AGBL4: variants seen among roughly 807,000 people sequenced by gnomAD.
AGBL4 encodes cytosolic carboxypeptidase 6.
Under a neutral mutation model 66.4 loss-of-function variants are expected in AGBL4, and 58 were observed. The observed-to-expected ratio is 0.87, with a 90% confidence interval of 0.71 to 1.09. The LOEUF is 1.09. Among genes scored for constraint, AGBL4 ranks in the 50% least tolerant of loss-of-function variants. AGBL4 has a pLI of 0.00. For synonymous variants in AGBL4, 234 were observed against 222.9 expected (o/e 1.05, Z -0.44); for missense variants, 579 against 631.0 (o/e 0.92, Z 0.88).
intron 3 of AGBL4, among the ~76,000 whole-genome samples, chr1:49,636,776 T>C (rs2124385007): frequency 6.6e-6 from 1 of 152,340 alleles, no homozygotes; most frequent in South Asian, 2.1e-4. Context: ...AGTGATGTTT[T>C]ATTTGATTTA....
chr1:48,875,911 G>A (rs914156488), intron 5 of AGBL4, among the ~76,000 whole-genome samples: 2 of 152,178 alleles, frequency 1.3e-5, no homozygotes, highest in South Asian at 2.1e-4. Context: ...TGAAGCCTAC[G>A]CTCCATTAGT....
At chr1:48,814,873 T>C (rs1164580572) in intron 6 of AGBL4, among the ~76,000 whole-genome samples, 1 of 152,176 alleles carries the variant, frequency 6.6e-6, no homozygotes, top group African/African-American at 2.4e-5. Context: ...GTGGTGCAGA[T>C]GTCTTTTTGA....
At position 48,653,423 on chromosome 1, in the gene AGBL4, G is replaced by A. The variant is rs1419109343; in HGVS notation, c.753C>T (p.His251=). The change falls in exon 8 of 14, where the codon CAC becomes CAT. Residue 251 remains histidine (H), a synonymous_variant. Coordinates refer to ENST00000371839, the MANE Select transcript of AGBL4 (RefSeq NM_032785.4). ...ATTCCCGGAGGACACAGGCAATAGG[G>A]TGCTGGCTTACAAGGAAGTCAATGA... ...QGIIDFLVSQ[H]PIACVLREYL... 6.3e-7 allele frequency: 1 copy of A among 1,584,604 alleles called. No individual in the cohort carries two copies. Among genetic ancestry groups the A allele is most frequent in the South Asian group, 1.2e-5 (1 of 86,052 alleles).
intron 5 of AGBL4, among the ~76,000 whole-genome samples, chr1:48,936,418 C>T (rs148643923): frequency 0.022 from 3,388 of 152,196 alleles, 65 homozygotes; most frequent in Non-Finnish European, 0.035. Flanking sequence ...CAAACCTTCA[C>T]GGAGATAATG....
At chr1:49,000,531 T>C (rs1661322821) in intron 5 of AGBL4, among the ~76,000 whole-genome samples, 1 of 152,196 alleles carries the variant, frequency 6.6e-6, no homozygotes, top group African/African-American at 2.4e-5. Context: ...AGTTTTCTAA[T>C]ATGTAAAATT....
intron 1 of AGBL4, among the ~76,000 whole-genome samples, chr1:49,889,230 T>A (rs938723273): frequency 6.6e-6 from 1 of 152,130 alleles, no homozygotes; most frequent in Non-Finnish European, 1.5e-5. Context: ...TCGTAGCTAC[T>A]CCAGAAGCTG....
At chr1:49,122,000 A>G (rs1645664440) in intron 4 of AGBL4, among the ~76,000 whole-genome samples, 2 of 152,244 alleles carry the variant, frequency 1.3e-5, no homozygotes, top group Admixed American at 6.5e-5. Context: ...CTCCGTAGGC[A>G]TGGTACCAAC....
rs371606305 is a variant in AGBL4, at chr1:49,145,802, C to T, written c.377+99968G>A. 3.3e-5 allele frequency among the ~76,000 whole-genome samples: 5 copies of T among 152,206 alleles called. No individual in the cohort carries two copies. The South Asian group carries it at 8.3e-4, about 25-fold the overall frequency. On this transcript the variant is annotated intron_variant, in intron 4 of 13. Coordinates refer to ENST00000371839, the MANE Select transcript of AGBL4 (RefSeq NM_032785.4). ...TAAGTGTATCAAAGAGATACCTGCA[C>T]TCTCATGTTTGCTGCAGCACTGTTC...
chr1:49,967,244 C>T (rs1000677139), intron 1 of AGBL4, among the ~76,000 whole-genome samples: 29 of 152,184 alleles, frequency 1.9e-4, no homozygotes, highest in Non-Finnish European at 2.5e-4. Flanking sequence ...ATTTGCATTT[C>T]TCTAATGACC....
At chr1:49,547,827 G>A (rs1247166226) in intron 3 of AGBL4, among the ~76,000 whole-genome samples, 1 of 150,882 alleles carries the variant, frequency 6.6e-6, no homozygotes, top group Non-Finnish European at 1.5e-5. Flanking sequence ...AGGCTGGAGT[G>A]CAGTGCCATG....
chr1:49,229,955 C>A (rs1000651941), intron 4 of AGBL4, among the ~76,000 whole-genome samples: 1 of 152,180 alleles, frequency 6.6e-6, no homozygotes, highest in Non-Finnish European at 1.5e-5. Flanking sequence ...CTCAATTACA[C>A]CAAAAGCTAG....
rs11285905 is a variant in AGBL4 at position 48,555,189 on chromosome 1, CTTT to C, written c.1268-15454_1268-15452del. 3.0e-3 allele frequency among the ~76,000 whole-genome samples: 440 copies of C among 148,928 alleles called. 4 individuals carry two copies. Among genetic ancestry groups the C allele is most frequent in the African/African-American group, 0.01 (417 of 40,698 alleles). ...AGCTGAATTGAGGGGGTAAGATTGT[CTTT>C]TTTTTTTTTCCTGAGATAACTCTTT... On this transcript the variant is annotated intron_variant, in intron 11 of 13. Transcript: ENST00000371839.
chr1:48,999,678 C>T (rs1030396044), intron 5 of AGBL4, among the ~76,000 whole-genome samples: 3 of 152,070 alleles, frequency 2.0e-5, no homozygotes, highest in African/African-American at 7.2e-5. Context: ...TGGGTCTCTA[C>T]AATTGGGTGG....
At chr1:50,005,369 A>C (rs1490057268) in intron 1 of AGBL4, among the ~76,000 whole-genome samples, 1 of 152,132 alleles carries the variant, frequency 6.6e-6, no homozygotes, top group Non-Finnish European at 1.5e-5. Flanking sequence ...ATTCTTCCAG[A>C]TTTTATCCAA....
At chr1:49,643,517 A>G (rs1404187363) in intron 3 of AGBL4, among the ~76,000 whole-genome samples, 1 of 151,734 alleles carries the variant, frequency 6.6e-6, no homozygotes, top group Non-Finnish European at 1.5e-5. Context: ...AAAACAGAAA[A>G]AAACACCAAA....
intron 2 of AGBL4, among the ~76,000 whole-genome samples, chr1:49,828,757 G>A (rs375195896): frequency 1.3e-5 from 2 of 152,134 alleles, no homozygotes; most frequent in Admixed American, 6.6e-5. Flanking sequence ...TAGATAATGG[G>A]GGAGAAGAAA....
chr1:50,002,274 G>C (rs1049717870), intron 1 of AGBL4, among the ~76,000 whole-genome samples: 2 of 151,356 alleles, frequency 1.3e-5, no homozygotes, highest in African/African-American at 4.9e-5. Context: ...TAGCCAGTTT[G>C]GGAAAAGATA....
chr1:49,010,143 C>T (rs1662272392), intron 5 of AGBL4, among the ~76,000 whole-genome samples: 1 of 151,960 alleles, frequency 6.6e-6, no homozygotes, highest in South Asian at 2.1e-4. Context: ...TTGACTCAGC[C>T]CAAAATCTCC....
intron 4 of AGBL4, among the ~76,000 whole-genome samples, chr1:49,134,590 G>T (rs1422742054): frequency 1.3e-5 from 2 of 149,792 alleles, no homozygotes; most frequent in Non-Finnish European, 3.0e-5. Context: ...GGCAATAAGA[G>T]AAATATGGCT....
Sources: gnomAD v4.1 joint callset for allele counts (sites outside exome capture counted in the v4.1 genomes callset) on GRCh38, gnomAD v4.1.1 for gene constraint, MANE v1.5 for transcripts, NCBI Gene and HGNC (gene_info 2026-07-23, HGNC 2026-07-21) for gene names.